The following LY6H variants were observed in gnomAD, a reference collection of about 807,000 sequenced individuals.
The protein encoded by LY6H is lymphocyte antigen 6H.
A neutral mutation model predicts 14.6 loss-of-function variants in LY6H; 8 were observed. That is an observed-to-expected ratio of 0.55 (90% CI 0.32 to 0.99). The LOEUF (loss-of-function observed/expected upper bound fraction) is 0.99. Ranked by LOEUF, LY6H falls within the 50% of genes least tolerant of loss-of-function variation. LY6H has a pLI of 0.04. For missense variants in LY6H, 196 were observed against 219.6 expected (o/e 0.89, Z 0.68); for synonymous variants, 115 against 97.2 (o/e 1.18, Z -1.08).
chr8:143,159,038 C>A (rs560014021), intron 2 of LY6H, 116 bp from the exon 3 acceptor site: 8 of 1,409,334 alleles, frequency 5.7e-6, no homozygotes, highest in Admixed American at 3.9e-5. Flanking sequence ...CCCGACCCCA[C>A]GGGAGGGAGC....
At chr8:143,158,507 T>C (rs780643032) in intron 3 of LY6H, 22 bp from the exon 4 acceptor site, 4 of 1,580,106 alleles carry the variant, frequency 2.5e-6, no homozygotes, top group Non-Finnish European at 3.5e-6. Context: ...AAGCGTGGCC[T>C]GGGACGGGGG....
intron 3 of LY6H, 35 bp from the exon 4 acceptor site, chr8:143,158,520 C>T (rs906159483): frequency 2.6e-6 from 4 of 1,543,712 alleles, no homozygotes; most frequent in Admixed American, 1.7e-5. Context: ...GACGGGGGCT[C>T]CTCCTGGGCC....
chr8:143,157,975 C>G lies in LY6H; in HGVS notation c.*275G>C. 1 of 463,918 alleles carries G rather than the reference C, an allele frequency of 2.2e-6. No homozygotes were observed. Among genetic ancestry groups the G allele is most frequent in the Non-Finnish European group, 3.8e-6 (1 of 265,390 alleles). The allele number at this position is 463,918 out of a possible 1,614,324, so 28.7% of individuals were successfully genotyped here. On this transcript the variant is annotated 3_prime_UTR_variant, in exon 4 of 4. Coordinates refer to ENST00000342752, the MANE Select transcript of LY6H (RefSeq NM_001135655.2). ...AGACGCCCTTCCAGCTGGGCTGTTGCTTCACTTCCCCTCCGGGACCTGGGG... is the reference window on the plus strand; with the variant it reads ...AGACGCCCTTCCAGCTGGGCTGTTGGTTCACTTCCCCTCCGGGACCTGGGG...
In LY6H at chr8:143,160,268, C is replaced by G; in HGVS notation, c.-69G>C. On this transcript the variant is annotated 5_prime_UTR_variant, in exon 1 of 4. Coordinates refer to ENST00000342752, the MANE Select transcript of LY6H (RefSeq NM_001135655.2). The stretch of plus-strand genomic sequence containing the variant: ...CGGGGAGCTGTGCCCTTCGGTCTCC[C>G]TGCGGACCGGAATCCGGGCGCAGCC... 8.1e-7 allele frequency: 1 copy of G among 1,238,568 alleles called. No individual in the cohort carries two copies. 76.7% of individuals were successfully genotyped at this position (1,238,568 alleles called of 1,614,324 possible). A position where few individuals can be genotyped will look rare whatever the true frequency, so the allele number is the denominator to read the frequency against.
In LY6H at chr8:143,159,663, T is replaced by G. The variant is rs1563694061; in HGVS notation, c.49A>C (p.Arg17=). ...TRAPSPRAAP[R]PTRSMLPAAM... ...GCAGGCAGCATGCTCCGGGTGGGCC[T>G]GGGGGCGGCGCGGGGGCTTGGGGCG... The change falls in exon 2 of 4, where the codon AGG becomes CGG. Residue 17 remains arginine (R), a synonymous_variant. Transcript: ENST00000342752. 26 of 1,407,268 alleles carry G rather than the reference T, an allele frequency of 1.8e-5. No individual in the cohort carries two copies. The highest frequency in any genetic ancestry group is 2.1e-5 in the Non-Finnish European group (23 of 1,092,148). The allele number at this position is 1,407,268 out of a possible 1,614,324, so 87.2% of individuals were successfully genotyped here. A position where few individuals can be genotyped will look rare whatever the true frequency, so the allele number is the denominator to read the frequency against.
chr8:143,159,166 A>G, intron 2 of LY6H: 1 of 603,628 alleles, frequency 1.7e-6, no homozygotes. Context: ...GCGTGCACAC[A>G]CACACACAAA....
At chr8:143,158,955 G>A (rs774101576) in intron 2 of LY6H, 33 bp from the exon 3 acceptor site, 2 of 1,609,480 alleles carry the variant, frequency 1.2e-6, no homozygotes, top group African/African-American at 1.3e-5. Context: ...GGTGACCAGA[G>A]GCACTGGGGT....
At chr8:143,158,697 A>G in intron 3 of LY6H, 106 bp downstream of exon 3, 2 of 1,435,930 alleles carry the variant, frequency 1.4e-6, no homozygotes, top group South Asian at 1.3e-5. Context: ...CTGCCGCCCC[A>G]CGCTCTCACT....
At position 143,159,569 on chromosome 8, in the gene LY6H, G is replaced by GC; in HGVS notation, c.130+12dup. On this transcript the variant is annotated intron_variant, in intron 2 of 3. Coordinates refer to ENST00000342752, the MANE Select transcript of LY6H (RefSeq NM_001135655.2). The stretch of plus-strand genomic sequence containing the variant: ...CCCAGGCACCTGACCCAGCCCGCGG[G>GC]CCCCCTACTCACCGGGCGCCGAGCA... 6.7e-7 allele frequency: 1 copy of GC among 1,497,522 alleles called. No individual in the cohort carries two copies. The allele number at this position is 1,497,522 out of a possible 1,614,324, so 92.8% of individuals were successfully genotyped here.
At chr8:143,160,482 C>G (rs1016062197), upstream of LY6H, 1 of 150,832 alleles carries the variant, frequency 6.6e-6, no homozygotes, top group Admixed American at 6.6e-5. Context: ...CGCGCGCTCC[C>G]TCGGGTTCCC....
At chr8:143,159,736 G>A (rs1448584743) in intron 1 of LY6H, 27 bp from the exon 2 acceptor site, 3 of 1,335,980 alleles carry the variant, frequency 2.2e-6, no homozygotes, top group Non-Finnish European at 1.9e-6. Flanking sequence ...TCGGTCAGGA[G>A]ACCCCAAAGA....
chr8:143,158,742 C>A, intron 3 of LY6H, 61 bp downstream of exon 3: 1 of 1,547,422 alleles, frequency 6.5e-7, no homozygotes, highest in South Asian at 1.2e-5. Flanking sequence ...GAGGACACCT[C>A]TGACCTCTCT....
In LY6H at chr8:143,158,237, G is replaced by T. The variant is rs1284094462; in HGVS notation, c.*13C>A. 3 of 1,586,604 alleles carry T rather than the reference G, an allele frequency of 1.9e-6. No individual in the cohort carries two copies. Among genetic ancestry groups the T allele is most frequent in the Non-Finnish European group, 2.6e-6 (3 of 1,160,654 alleles). On this transcript the variant is annotated 3_prime_UTR_variant, in exon 4 of 4. Coordinates refer to ENST00000342752, the MANE Select transcript of LY6H (RefSeq NM_001135655.2). ...GGGAGCAAGCTCAGAAGCCCCGTGG[G>T]AAGGAGGAGACATCAGGGCCCAGCC...
At position 143,159,627 on chromosome 8, in the gene LY6H, C is replaced by A; in HGVS notation, c.85G>T (p.Gly29Cys). ...ACGGCCAGCAGCGCCAGGCCGAGGC[C>A]CTTCATGGCTGCAGGCAGCATGCTC... ...TRSMLPAAMK[G>C]LGLALLAVLL... The change falls in exon 2 of 4, where the codon GGC (glycine) becomes TGC (cysteine). Residue 29 changes from glycine (G) to cysteine (C), a missense_variant. Coordinates refer to ENST00000342752, the MANE Select transcript of LY6H (RefSeq NM_001135655.2). 1 of 1,479,260 alleles carries A rather than the reference C, an allele frequency of 6.8e-7. No individual in the cohort carries two copies. Among genetic ancestry groups the A allele is most frequent in the Non-Finnish European group, 8.9e-7 (1 of 1,123,950 alleles). The allele number at this position is 1,479,260 out of a possible 1,614,324, so 91.6% of individuals were successfully genotyped here.
chr8:143,159,039 G>T (rs575068595), intron 2 of LY6H, 117 bp from the exon 3 acceptor site: 20 of 1,406,296 alleles, frequency 1.4e-5, no homozygotes, highest in Non-Finnish European at 1.8e-5. Flanking sequence ...CCGACCCCAC[G>T]GGAGGGAGCA....
At chr8:143,159,234 C>T (rs1226103960) in intron 2 of LY6H, 6 of 562,474 alleles carry the variant, frequency 1.1e-5, no homozygotes, top group Admixed American at 9.4e-5. Flanking sequence ...ACTCCCGCCC[C>T]GCCTCACATA....
In LY6H at chr8:143,158,787, C is replaced by G. The variant is rs754358956; in HGVS notation, c.250+16G>C. On this transcript the variant is annotated intron_variant, in intron 3 of 3. Transcript: ENST00000342752. The stretch of plus-strand genomic sequence containing the variant: ...GGCTTTTAGCACATTCCCCACCACC[C>G]TAAGTCCCAACTTACTGCTGCTGGG... The G allele has an allele frequency of 2.5e-6, 4 of 1,571,470 alleles. No homozygotes were observed. Among genetic ancestry groups the G allele is most frequent in the Non-Finnish European group, 3.5e-6 (4 of 1,153,850 alleles).
chr8:143,158,673 G>A lies in LY6H; in HGVS notation c.250+130C>T, dbSNP rs947960994. The A allele has an allele frequency of 1.4e-5, 18 of 1,318,474 alleles. No individual in the cohort carries two copies. The African/African-American group carries it at 2.5e-4, about 18-fold the overall frequency. 81.7% of individuals were successfully genotyped at this position (1,318,474 alleles called of 1,614,324 possible). ...ACCAAGGAGCCAGGGGGGGACAGCAGGACAGTATCCTGCCTGCCGCCCCAC... is the reference window on the plus strand; with the variant it reads ...ACCAAGGAGCCAGGGGGGGACAGCAAGACAGTATCCTGCCTGCCGCCCCAC... On this transcript the variant is annotated intron_variant, in intron 3 of 3. Coordinates refer to ENST00000342752, the MANE Select transcript of LY6H (RefSeq NM_001135655.2).
Position 143,158,118 on chromosome 8 carries a change from G to T in LY6H, c.*132C>A. The T allele has an allele frequency of 1.6e-6, 1 of 622,560 alleles. No individual in the cohort carries two copies. 38.6% of individuals were successfully genotyped at this position (622,560 alleles called of 1,614,324 possible). ...ACAGGGAGGCTTCACGTCGGGGGAG[G>T]AGTGAGAGCCACAGGCCACAGCCAC... On this transcript the variant is annotated 3_prime_UTR_variant, in exon 4 of 4. Transcript: ENST00000342752.
Sources: gnomAD v4.1 joint callset for allele counts on GRCh38, gnomAD v4.1.1 for gene constraint, MANE v1.5 for transcripts, NCBI Gene and HGNC (gene_info 2026-07-23, HGNC 2026-07-21) for gene names.